Variants in LCOR observed in about 807,000 individuals in gnomAD.
LCOR encodes the protein ligand dependent nuclear receptor corepressor.
LCOR carries 14 observed loss-of-function variants against 64.4 expected under a neutral mutation model. The ratio of observed to expected loss-of-function variants is 0.22; its 90% CI spans 0.14 to 0.34. LCOR has a LOEUF of 0.34. LCOR is among the 10% of genes least tolerant of loss of function. The pLI is 1.00. For synonymous variants in LCOR, 643 were observed against 642.5 expected (o/e 1.00, Z -0.01); for missense variants, 1,686 against 1,765.3 (o/e 0.96, Z 0.80).
At chr10:96,882,644 A>G (rs896275114) in intron 2 of LCOR, among the ~76,000 whole-genome samples, 2 of 152,174 alleles carry the variant, frequency 1.3e-5, no homozygotes, top group Non-Finnish European at 2.9e-5. Context: ...TTGGTGTTGT[A>G]TATTCTATGG....
At chr10:96,920,435 T>TATATATGTATATATATGTATATTC (rs1554837191) in intron 4 of LCOR, among the ~76,000 whole-genome samples, 1 of 1,178 alleles carries the variant, frequency 8.5e-4, no homozygotes, top group Non-Finnish European at 4.2e-3. Flanking sequence ...TATATATGTG[T>TATATATGTATATATATGTATATTC]ATATATGTGT....
At chr10:96,960,472 A>G (rs924679561) in intron 7 of LCOR, 3 of 152,172 alleles carry the variant, frequency 2.0e-5, no homozygotes, top group Non-Finnish European at 2.9e-5. Flanking sequence ...ATTAAATGCC[A>G]GAGGTTGTTT....
At chr10:96,929,867 G>A (rs147331503) in intron 4 of LCOR, among the ~76,000 whole-genome samples, 6 of 152,230 alleles carry the variant, frequency 3.9e-5, no homozygotes, top group African/African-American at 7.2e-5. Context: ...TGTGTCTCAG[G>A]GAATAGGAGG....
chr10:96,963,628 G>A (rs1847915459), intron 7 of LCOR: 4 of 152,208 alleles, frequency 2.6e-5, no homozygotes, highest in Admixed American at 2.6e-4. Flanking sequence ...TCAGCAGACA[G>A]TTTTGTCCGT....
At chr10:96,957,090 A>G (rs966207430) in intron 7 of LCOR, 24 of 985,210 alleles carry the variant, frequency 2.4e-5, no homozygotes, top group South Asian at 1.4e-4. Context: ...TAACAATTCA[A>G]TCAGAAGTCA....
At chr10:96,883,595 G>A (rs553075916) in intron 2 of LCOR, among the ~76,000 whole-genome samples, 2 of 152,312 alleles carry the variant, frequency 1.3e-5, no homozygotes, top group South Asian at 4.1e-4. Flanking sequence ...GTTCCCTGCT[G>A]ACATATAATG....
intron 2 of LCOR, among the ~76,000 whole-genome samples, chr10:96,883,148 C>T (rs1263559168): frequency 6.6e-6 from 1 of 152,200 alleles, no homozygotes; most frequent in Admixed American, 6.5e-5. Context: ...GCAATTCTGC[C>T]TCAGCCTCCT....
chr10:96,846,163 C>T (rs1222670101), intron 2 of LCOR, among the ~76,000 whole-genome samples: 1 of 151,970 alleles, frequency 6.6e-6, no homozygotes, highest in East Asian at 1.9e-4. Flanking sequence ...GCCGAGATTG[C>T]ACCACTGCAC....
chr10:96,959,482 A>G (rs1186646492), intron 7 of LCOR: 1 of 152,200 alleles, frequency 6.6e-6, no homozygotes, highest in Non-Finnish European at 1.5e-5. Flanking sequence ...CTATGGCACT[A>G]TAAAATCAAA....
At position 96,984,264 on chromosome 10, in the gene LCOR, G is replaced by C. The variant is rs767764456; in HGVS notation, c.3804G>C (p.Val1268=). 6.2e-7 allele frequency: 1 copy of C among 1,614,162 alleles called. No individual in the cohort carries two copies. The highest frequency in any genetic ancestry group is 2.2e-5 in the East Asian group (1 of 44,890). Residue 1268 remains valine (V), a synonymous_variant, in exon 8 of 8, where the codon GTG becomes GTC. Coordinates refer to ENST00000421806, the MANE Select transcript of LCOR (RefSeq NM_001346516.2). ...WAKFRENPDQ[V]EPEDGSDVSP... ...AATTTCGAGAGAATCCTGATCAAGT[G>C]GAGCCAGAAGATGGCAGTGATGTCA... is the stretch of plus-strand genomic sequence containing the variant.
At chr10:96,876,523 A>T (rs1397764189) in intron 2 of LCOR, among the ~76,000 whole-genome samples, 8 of 152,120 alleles carry the variant, frequency 5.3e-5, no homozygotes, top group Admixed American at 5.2e-4. Flanking sequence ...CCATATAATT[A>T]AAAAGCAAAT....
At chr10:96,957,665 G>C (rs1276346288) in intron 7 of LCOR, 1 of 985,228 alleles carries the variant, frequency 1.0e-6, no homozygotes, top group Non-Finnish European at 1.2e-6. Flanking sequence ...TATTTCCAAG[G>C]CATAAATTCT....
chr10:96,983,384 C>A lies in LCOR; in HGVS notation c.2924C>A (p.Ala975Glu). The part of the protein sequence containing the change: ...SIACKRDPEQ[A>E]KEEPGHIPTQ... ...GCTTGTAAGAGGGACCCAGAACAGG[C>A]AAAAGAAGAGCCAGGGCATATTCCC... The change falls in exon 8 of 8, where the codon GCA (alanine) becomes GAA (glutamate). Residue 975 changes from alanine to glutamate, a missense_variant. Transcript: ENST00000421806. The surrounding 1 kb of genome is among the most constrained non-coding windows in gnomAD (Gnocchi z 4.5). 1 of 1,614,110 alleles carries A rather than the reference C, an allele frequency of 6.2e-7. No individual in the cohort carries two copies. The highest frequency in any genetic ancestry group is 1.1e-5 in the South Asian group (1 of 91,066).
At chr10:96,952,496 G>A (rs555050773) in intron 7 of LCOR, among the ~76,000 whole-genome samples, 44 of 152,222 alleles carry the variant, frequency 2.9e-4, no homozygotes, top group African/African-American at 1.0e-3. Flanking sequence ...TAGATGTAAA[G>A]ACAGTATTAT....
At chr10:96,970,616 T>G (rs1023330258) in intron 7 of LCOR, among the ~76,000 whole-genome samples, 4 of 146,132 alleles carry the variant, frequency 2.7e-5, no homozygotes, top group Non-Finnish European at 4.5e-5. Flanking sequence ...TTTATTTTAT[T>G]TTATTTTATT....
intron 2 of LCOR, among the ~76,000 whole-genome samples, chr10:96,904,424 CGAATTTG>C (rs1846692730): frequency 6.6e-6 from 1 of 151,982 alleles, no homozygotes; most frequent in East Asian, 1.9e-4. Flanking sequence ...TTTTGATTGC[CGAATTTG>C]GAATTTGGGG....
chr10:96,886,962 T>C (rs1181110636), intron 2 of LCOR, among the ~76,000 whole-genome samples: 3 of 152,332 alleles, frequency 2.0e-5, no homozygotes, highest in Admixed American at 6.5e-5. Context: ...GCAAGAAACC[T>C]GTGACAAAAA....
chr10:96,921,073 C>T (rs1379665935), intron 4 of LCOR, among the ~76,000 whole-genome samples: 2 of 152,012 alleles, frequency 1.3e-5, no homozygotes, highest in Non-Finnish European at 2.9e-5. Flanking sequence ...TCATGCTGTC[C>T]TTCCTCCTTG....
chr10:96,968,368 A>G lies in LCOR; in HGVS notation c.333-12425A>G, dbSNP rs368131115. Among the ~76,000 whole-genome samples, 10 of 152,350 alleles carry G rather than the reference A, an allele frequency of 6.6e-5. No individual in the cohort carries two copies. In the East Asian group the frequency reaches 1.5e-3, roughly 23 times the overall value. ...CTAGAATTAGAATTAGGGATTGTAC[A>G]TACTAATAATTTTCCGTTAGATTCA... On this transcript the variant is annotated intron_variant, in intron 7 of 7. Transcript: ENST00000421806.
Sources: allele counts gnomAD v4.1 joint callset (sites outside exome capture counted in the v4.1 genomes callset), GRCh38; gene constraint gnomAD v4.1.1; non-coding constraint Gnocchi (gnomAD v3.1); transcripts MANE v1.5; gene names NCBI Gene and HGNC (gene_info 2026-07-23, HGNC 2026-07-21).